The following TNS1 variants were observed in gnomAD, a reference collection of about 807,000 sequenced individuals.
TNS1 encodes the protein tensin-1.
Under a neutral mutation model 168.6 loss-of-function variants are expected in TNS1, and 62 were observed. The observed-to-expected ratio is 0.37, with a 90% CI of 0.30 to 0.45. The LOEUF (loss-of-function observed/expected upper bound fraction) is 0.45. TNS1 is among the 20% of genes least tolerant of loss of function. The pLI is 1.00. For synonymous variants in TNS1, 934 were observed against 933.2 expected, an observed-to-expected ratio of 1.00 and a Z score of -0.02; for missense variants, 2,240 against 2,339.4, an observed-to-expected ratio of 0.96 and a Z score of 0.88.
chr2:217,865,245 G>A (rs1432335088), intron 18 of TNS1, among the ~76,000 whole-genome samples: 1 of 152,140 alleles, frequency 6.6e-6, no homozygotes, highest in Non-Finnish European at 1.5e-5. Context: ...GATCTGGGTG[G>A]GTATCTGCTT....
intron 24 of TNS1, among the ~76,000 whole-genome samples, chr2:217,817,299 G>A (rs1363086268): frequency 2.0e-5 from 3 of 152,162 alleles, no homozygotes; most frequent in Non-Finnish European, 1.5e-5. Context: ...TTTGTAAACT[G>A]GGGTTAATAA....
At chr2:218,013,701 C>T (rs1448132673), upstream of TNS1, among the ~76,000 whole-genome samples, 1 of 152,144 alleles carries the variant, frequency 6.6e-6, no homozygotes, top group Non-Finnish European at 1.5e-5. Context: ...CTTATCCTCC[C>T]TCCCGCACCT....
rs1314484666 is a variant in TNS1, at chr2:217,994,305, T to TG, written c.34-3250dup. On this transcript the variant is annotated intron_variant, in intron 1 of 32. Coordinates refer to ENST00000682258, the MANE Select transcript of TNS1 (RefSeq NM_001387777.1). ...GATTTCTGCCACAAACATTCCAGGG[T>TG]GGGGGCCCTGGTCAGTGTCAACTGC... Among the ~76,000 whole-genome samples, 4 of 151,348 alleles carry TG rather than the reference T, an allele frequency of 2.6e-5. No homozygotes were observed. In the East Asian group the frequency reaches 7.8e-4, roughly 30 times the overall value.
chr2:217,886,654 G>A lies in TNS1; in HGVS notation c.867-8C>T, dbSNP rs763565288. 1 of 1,568,354 alleles carries A rather than the reference G, an allele frequency of 6.4e-7. No individual in the cohort carries two copies. Among genetic ancestry groups the A allele is most frequent in the East Asian group, 2.3e-5 (1 of 43,560 alleles). Reference sequence around the variant, plus strand: ...CTGAAGTAATGCACGTACCTGTAGTGGTGGGAGAAGCAGCTTCAGGGAGTG... The same window carrying A: ...CTGAAGTAATGCACGTACCTGTAGTAGTGGGAGAAGCAGCTTCAGGGAGTG... On this transcript the variant is annotated splice_polypyrimidine_tract_variant and splice_region_variant and intron_variant, in intron 12 of 32. Coordinates refer to ENST00000682258, the MANE Select transcript of TNS1 (RefSeq NM_001387777.1).
intron 18 of TNS1, among the ~76,000 whole-genome samples, chr2:217,866,984 G>A (rs1949337699): frequency 6.6e-6 from 1 of 152,206 alleles, no homozygotes; most frequent in Non-Finnish European, 1.5e-5. Context: ...GTTATGCTGA[G>A]AAATGGTGGG....
intron 18 of TNS1, chr2:217,858,589 G>A (rs1948441496): frequency 1.0e-6 from 1 of 985,782 alleles, no homozygotes; most frequent in African/African-American, 1.8e-5. Context: ...CATGGCTGCA[G>A]CTCCAAGTGC....
At chr2:218,031,016 A>C (rs575293989) in intron 1 of TNS1, among the ~76,000 whole-genome samples, 2,971 of 139,820 alleles carry the variant, frequency 0.021, 55 homozygotes, top group East Asian at 0.099. Flanking sequence ...GTGGGAGTGT[A>C]TGTGTGTATG....
At chr2:217,963,312 G>T (rs16858515) in intron 3 of TNS1, among the ~76,000 whole-genome samples, 14,777 of 152,222 alleles carry the variant, frequency 0.097, 1,260 homozygotes, top group African/African-American at 0.23. Context: ...CCGGCACGGG[G>T]TCATCACCTG....
rs1463205362 is a variant in TNS1 at position 218,033,301 on chromosome 2, C to A, written c.156+519G>T. The stretch of plus-strand genomic sequence containing the variant: ...ACCTGTCCCCACTGCCAGGTCAGCT[C>A]CCCACTTGCTAGTCTCTGAGACTTA... On this transcript the variant is annotated intron_variant, in intron 1 of 1. Coordinates refer to the TNS1 transcript ENST00000649572. The surrounding 1 kb of genome is among the most constrained non-coding windows in gnomAD (Gnocchi z 4.3). Among the ~76,000 whole-genome samples, 1 of 152,020 alleles carries A rather than the reference C, an allele frequency of 6.6e-6. No individual in the cohort carries two copies. The highest frequency in any genetic ancestry group is 1.9e-4 in the East Asian group (1 of 5,180).
At chr2:217,826,957 C>T (rs1943716098) in intron 22 of TNS1, among the ~76,000 whole-genome samples, 1 of 152,142 alleles carries the variant, frequency 6.6e-6, no homozygotes, top group South Asian at 2.1e-4. Flanking sequence ...AAAATCAAGA[C>T]ATGTGGGTGG....
rs746651446 is a variant in TNS1 at position 217,882,334 on chromosome 2, C to T, written c.1312+12G>A. The T allele has an allele frequency of 6.3e-7, 1 of 1,584,386 alleles. No individual in the cohort carries two copies. The highest frequency in any genetic ancestry group is 1.3e-5 in the African/African-American group (1 of 74,264). Reference sequence around the variant, plus strand: ...GAAGGAGTGAGAGAATGAATTCTAACTCGGCTTATACCTTGAATTTTCTCT... The same window carrying T: ...GAAGGAGTGAGAGAATGAATTCTAATTCGGCTTATACCTTGAATTTTCTCT... On this transcript the variant is annotated intron_variant, in intron 17 of 32. Coordinates refer to ENST00000682258, the MANE Select transcript of TNS1 (RefSeq NM_001387777.1).
Position 217,813,705 on chromosome 2 carries a change from A to G in TNS1, c.4841T>C (p.Ile1614Thr). The change falls in exon 26 of 33, where the codon ATC (isoleucine) becomes ACC (threonine). Residue 1614 changes from isoleucine (I) to threonine (T), a missense_variant. By Grantham distance (89) the Ile-to-Thr change is moderately conservative. Transcript: ENST00000682258. This position sits in a 1 kb window ranked among gnomAD's most constrained non-coding sequence, Gnocchi z 4.0. ...AMKVSSPPPT[I>T]MQQNKKGDMT... ...GTTACCTTTTTTATTCTGCTGCATG[A>G]TGGTTGGAGGTGGCGAAGACACCTT... 2 of 1,611,636 alleles carry G rather than the reference A, an allele frequency of 1.2e-6. No individual in the cohort carries two copies. Among genetic ancestry groups the G allele is most frequent in the Non-Finnish European group, 8.5e-7 (1 of 1,178,776 alleles).
rs1395497495 is a variant in TNS1, at chr2:217,948,126, C to A, written c.187-27890G>T. 8.5e-5 allele frequency among the ~76,000 whole-genome samples: 13 copies of A among 152,246 alleles called. No homozygotes were observed. The highest frequency in any genetic ancestry group is 4.4e-5 in the Non-Finnish European group (3 of 68,038). On this transcript the variant is annotated intron_variant, in intron 3 of 32. Coordinates refer to ENST00000682258, the MANE Select transcript of TNS1 (RefSeq NM_001387777.1). This position sits in a 1 kb window ranked among gnomAD's most constrained non-coding sequence, Gnocchi z 4.1. ...AGGGCACCACATCACCCGACTCCCA[C>A]ACTCAAGGAGCCAGACTCTCAGGTT...
At chr2:217,949,873 AG>A (rs1435746103) in intron 3 of TNS1, among the ~76,000 whole-genome samples, 2 of 152,222 alleles carry the variant, frequency 1.3e-5, no homozygotes, top group Non-Finnish European at 2.9e-5. Flanking sequence ...GTCCAAAACA[AG>A]GGTTCCAAAG....
Position 217,907,256 on chromosome 2 carries a change from G to A in TNS1, c.229-5C>T. The A allele has an allele frequency of 1.4e-6, 1 of 703,016 alleles. No homozygotes were observed. The highest frequency in any genetic ancestry group is 2.6e-6 in the Non-Finnish European group (1 of 384,982). The allele number at this position is 703,016 out of a possible 1,614,324, so 43.5% of individuals were successfully genotyped here. On this transcript the variant is annotated splice_polypyrimidine_tract_variant and splice_region_variant and intron_variant, in intron 4 of 32. Coordinates refer to ENST00000682258, the MANE Select transcript of TNS1 (RefSeq NM_001387777.1). Reference sequence around the variant, plus strand: ...TGCATTCTCAGTGGTGATGGGCTGTGGACAGAAGGAGAAACAGCATGAGCC... The same window carrying A: ...TGCATTCTCAGTGGTGATGGGCTGTAGACAGAAGGAGAAACAGCATGAGCC...
At chr2:217,866,905 C>T (rs1359302913) in intron 18 of TNS1, among the ~76,000 whole-genome samples, 1 of 152,222 alleles carries the variant, frequency 6.6e-6, no homozygotes, top group Non-Finnish European at 1.5e-5. Flanking sequence ...GGTTCTCAAA[C>T]CCCAACTGCA....
At chr2:217,828,540 T>C (rs1282607473) in intron 22 of TNS1, among the ~76,000 whole-genome samples, 1 of 152,220 alleles carries the variant, frequency 6.6e-6, no homozygotes, top group Non-Finnish European at 1.5e-5. Context: ...GGGATGCCAG[T>C]GCCCAGAACC....
chr2:217,870,710 A>G (rs986826799), intron 18 of TNS1, among the ~76,000 whole-genome samples: 1 of 152,202 alleles, frequency 6.6e-6, no homozygotes, highest in Non-Finnish European at 1.5e-5. Flanking sequence ...CAGAGATTAC[A>G]GAGCACCAAA....
chr2:217,805,545 AC>A (rs143310838), intron 32 of TNS1, among the ~76,000 whole-genome samples: 3 of 1,544 alleles, frequency 1.9e-3, no homozygotes, highest in African/African-American at 5.7e-3. Context: ...CACACACACC[AC>A]CACACACCAC....
Sources: allele counts gnomAD v4.1 joint callset (sites outside exome capture counted in the v4.1 genomes callset), GRCh38; gene constraint gnomAD v4.1.1; non-coding constraint Gnocchi (gnomAD v3.1); transcripts MANE v1.5; gene names NCBI Gene and HGNC (gene_info 2026-07-23, HGNC 2026-07-21).